The following PATJ variants were observed in gnomAD, a reference collection of about 807,000 sequenced individuals.
PATJ encodes inaD-like protein.
A neutral mutation model predicts 224.9 loss-of-function variants in PATJ; 190 were observed. The observed-to-expected ratio is 0.84, with a 90% CI of 0.75 to 0.95. The LOEUF (loss-of-function observed/expected upper bound fraction) is 0.95, where lower values mean the gene tolerates loss of function less well. Ranked by LOEUF, PATJ falls within the 40% of genes least tolerant of loss-of-function variation. The pLI, the probability that PATJ is intolerant of heterozygous loss-of-function variation, is 0.00. For missense variants in PATJ, 2,121 were observed against 2,270.3 expected, an observed-to-expected ratio of 0.93 and a Z score of 1.34; for synonymous variants, 769 against 820.3, an observed-to-expected ratio of 0.94 and a Z score of 1.07.
At chr1:61,830,326 T>C (rs1487303156) in intron 16 of PATJ, among the ~76,000 whole-genome samples, 1 of 152,058 alleles carries the variant, frequency 6.6e-6, no homozygotes, top group Non-Finnish European at 1.5e-5. Context: ...ATGTCTACAA[T>C]GAGAATTATA....
chr1:61,927,678 A>G lies in PATJ; in HGVS notation c.3571-52A>G. The G allele has an allele frequency of 2.7e-6, 3 of 1,106,170 alleles. No homozygotes were observed. In the Admixed American group the frequency reaches 6.3e-5, roughly 23 times the overall value. 68.5% of individuals were successfully genotyped at this position (1,106,170 alleles called of 1,614,324 possible). A position where few individuals can be genotyped will look rare whatever the true frequency, so the allele number is the denominator to read the frequency against. ...TTTTATGCTTTTTGTCATTGAAGAA[A>G]GAGCATTGTACAAGAAGCATTTAAC... On this transcript the variant is annotated intron_variant, in intron 26 of 43. Transcript: ENST00000642238.
intron 21 of PATJ, among the ~76,000 whole-genome samples, chr1:61,882,001 G>A (rs1668167821): frequency 6.6e-6 from 1 of 152,160 alleles, no homozygotes; most frequent in South Asian, 2.1e-4. Flanking sequence ...CTCATTGTTG[G>A]TTGGTGTATT....
intron 27 of PATJ, among the ~76,000 whole-genome samples, chr1:61,976,721 T>G (rs76924556): frequency 0.026 from 3,977 of 152,130 alleles, 148 homozygotes; most frequent in African/African-American, 0.067. Context: ...TTTTGTTTTT[T>G]TAGTTGTGAA....
intron 1 of PATJ, among the ~76,000 whole-genome samples, chr1:61,750,126 A>C (rs1202506213): frequency 6.6e-6 from 1 of 152,210 alleles, no homozygotes; most frequent in Non-Finnish European, 1.5e-5. Flanking sequence ...GTCTGTATTG[A>C]TTGCTTGCAC....
chr1:62,066,735 T>C (rs1009705334), intron 31 of PATJ, among the ~76,000 whole-genome samples: 2 of 152,130 alleles, frequency 1.3e-5, no homozygotes, highest in African/African-American at 4.8e-5. Context: ...GACCAGCCCA[T>C]GCACAGGAGA....
chr1:62,110,038 T>C (rs1663609737), intron 34 of PATJ, among the ~76,000 whole-genome samples: 1 of 152,090 alleles, frequency 6.6e-6, no homozygotes, highest in African/African-American at 2.4e-5. Flanking sequence ...TTATTTTAAG[T>C]GAGAGGAGAA....
chr1:61,791,591 G>A (rs1184396604), intron 9 of PATJ, 144 bp downstream of exon 9: 1 of 506,562 alleles, frequency 2.0e-6, no homozygotes, highest in Admixed American at 3.6e-5. Flanking sequence ...TCACTTCTCA[G>A]TGATTACAGA....
intron 28 of PATJ, among the ~76,000 whole-genome samples, chr1:62,014,510 T>C (rs1300886143): frequency 1.3e-5 from 2 of 152,022 alleles, no homozygotes; most frequent in Non-Finnish European, 2.9e-5. Flanking sequence ...ACATTTTCTA[T>C]GTCATTAAGT....
chr1:62,094,604 C>G (rs1366423443), intron 33 of PATJ, among the ~76,000 whole-genome samples: 2 of 135,536 alleles, frequency 1.5e-5, no homozygotes, highest in Admixed American at 7.4e-5. Context: ...CACACACACA[C>G]ACACAGAGAT....
At chr1:61,869,150 A>G (rs554981249) in intron 20 of PATJ, among the ~76,000 whole-genome samples, 39 of 129,290 alleles carry the variant, frequency 3.0e-4, no homozygotes, top group Admixed American at 1.8e-3. Context: ...TCTGTCGCCC[A>G]GGCTGGAGTG....
At chr1:61,769,194 C>A in intron 4 of PATJ, 89 bp from the exon 5 acceptor site, 1 of 1,345,144 alleles carries the variant, frequency 7.4e-7, no homozygotes, top group Non-Finnish European at 1.0e-6. Flanking sequence ...GGGGAAGCTG[C>A]TTTTATGCTA....
Position 61,769,387 on chromosome 1 carries a change from C to T in PATJ, c.489C>T (p.Phe163=), listed in dbSNP as rs1331690851. 4 of 1,613,918 alleles carry T rather than the reference C, an allele frequency of 2.5e-6. No individual in the cohort carries two copies. Among genetic ancestry groups the T allele is most frequent in the Admixed American group, 1.7e-5 (1 of 60,006 alleles). The part of the protein sequence containing the change: ...RSQNLGKVDI[F]VKDVQPGSVA... ...AAAATCTCGGAAAAGTTGATATCTTCGTGAAGGATGTCCAGCCAGGGAGTG... is the reference window on the plus strand; with the variant it reads ...AAAATCTCGGAAAAGTTGATATCTTTGTGAAGGATGTCCAGCCAGGGAGTG... Residue 163 remains phenylalanine (F), a synonymous_variant, in exon 5 of 44, where the codon TTC becomes TTT. Coordinates refer to ENST00000642238, the MANE Select transcript of PATJ (RefSeq NM_001350145.3).
At chr1:61,900,598 CTTTTT>C (rs112855003) in intron 23 of PATJ, among the ~76,000 whole-genome samples, 19 of 82,498 alleles carry the variant, frequency 2.3e-4, no homozygotes, top group East Asian at 1.8e-3. Flanking sequence ...CTTTTCTTTT[CTTTTT>C]TTTTGAGACG....
chr1:62,128,752 G>C, intron 40 of PATJ, 89 bp from the exon 41 acceptor site: 1 of 916,336 alleles, frequency 1.1e-6, no homozygotes, highest in Non-Finnish European at 1.8e-6. Flanking sequence ...CCACAAATGG[G>C]AAATAGGACT....
rs967888433 is a variant in PATJ, at chr1:62,163,098, A to C, written c.*2044A>C. On this transcript the variant is annotated 3_prime_UTR_variant, in exon 44 of 44. Coordinates refer to ENST00000642238, the MANE Select transcript of PATJ (RefSeq NM_001350145.3). Reference sequence around the variant, plus strand: ...TTAAAATGTTATTTAATAAGTATAGATTTTAATTGAGAATTATCTTTGAGT... The same window carrying C: ...TTAAAATGTTATTTAATAAGTATAGCTTTTAATTGAGAATTATCTTTGAGT... 1.2e-5 allele frequency: 2 copies of C among 167,100 alleles called. No individual in the cohort carries two copies. The allele number at this position is 167,100 out of a possible 1,614,324, so 10.4% of individuals were successfully genotyped here. A position where few individuals can be genotyped will look rare whatever the true frequency, so the allele number is the denominator to read the frequency against.
chr1:62,036,835 G>A (rs1372095318), intron 29 of PATJ, among the ~76,000 whole-genome samples: 2 of 120,434 alleles, frequency 1.7e-5, no homozygotes, highest in South Asian at 2.9e-4. Flanking sequence ...TTGTGCCGCT[G>A]CACTCCAGCC....
At chr1:61,814,547 T>TGTGTGTGCGCGCGC (rs370488022) in intron 14 of PATJ, among the ~76,000 whole-genome samples, 174 of 142,552 alleles carry the variant, frequency 1.2e-3, no homozygotes, top group African/African-American at 4.6e-3. Context: ...TGTGTGTGTG[T>TGTGTGTGCGCGCGC]GCGCGCGCGC....
chr1:61,754,853 A>G (rs1645542715), intron 1 of PATJ, among the ~76,000 whole-genome samples: 1 of 152,072 alleles, frequency 6.6e-6, no homozygotes, highest in South Asian at 2.1e-4. Context: ...TGAGCCCAGG[A>G]GTTCAAATAC....
intron 27 of PATJ, among the ~76,000 whole-genome samples, chr1:61,955,461 A>G (rs1230314181): frequency 6.6e-6 from 1 of 152,138 alleles, no homozygotes; most frequent in East Asian, 1.9e-4. Flanking sequence ...TGAGTCTACT[A>G]GAAGAAGTGC....
Sources: gnomAD v4.1 joint callset for allele counts (sites outside exome capture counted in the v4.1 genomes callset) on GRCh38, gnomAD v4.1.1 for gene constraint, MANE v1.5 for transcripts, NCBI Gene and HGNC (gene_info 2026-07-23, HGNC 2026-07-21) for gene names.